The following GAB1 variants were observed in gnomAD, a reference collection of about 807,000 sequenced individuals.
The protein encoded by GAB1 is GRB2 associated binding protein 1.
GAB1 carries 19 observed loss-of-function variants against 66.5 expected under a neutral mutation model. That is an observed-to-expected ratio of 0.29 (90% CI 0.20 to 0.42). The LOEUF is 0.42. GAB1 is among the 10% of genes least tolerant of loss of function. GAB1 has a pLI of 1.00. For synonymous variants in GAB1, 294 were observed against 301.4 expected (o/e 0.98, Z 0.25); for missense variants, 732 against 858.5 (o/e 0.85, Z 1.84).
chr4:143,467,230 C>CGAAT (rs1382294945), intron 9 of GAB1, among the ~76,000 whole-genome samples: 1 of 152,156 alleles, frequency 6.6e-6, no homozygotes, highest in Non-Finnish European at 1.5e-5. Flanking sequence ...TGCTTCTATT[C>CGAAT]CTATGGAAAA....
At chr4:143,373,886 T>TATATATA (rs1560726035) in intron 1 of GAB1, among the ~76,000 whole-genome samples, 1 of 128,274 alleles carries the variant, frequency 7.8e-6, no homozygotes, top group African/African-American at 3.5e-5. Flanking sequence ...TATATATATA[T>TATATATA]TTTTACCTTT....
chr4:143,421,449 T>C (rs544078681), intron 2 of GAB1, among the ~76,000 whole-genome samples: 1 of 152,250 alleles, frequency 6.6e-6, no homozygotes, highest in South Asian at 2.1e-4. Context: ...TACAGACGTA[T>C]ATTTAGCTTT....
intron 1 of GAB1, 149 bp downstream of exon 1, chr4:143,337,409 T>C: frequency 2.9e-6 from 2 of 692,310 alleles, no homozygotes; most frequent in Non-Finnish European, 5.0e-6. Context: ...CCTGGCGGGC[T>C]CGGGACAGGG....
At chr4:143,398,890 T>C (rs1339940649) in intron 1 of GAB1, among the ~76,000 whole-genome samples, 3 of 151,966 alleles carry the variant, frequency 2.0e-5, no homozygotes, top group African/African-American at 7.3e-5. Flanking sequence ...GGAAACCTCA[T>C]CTTTACAAGA....
chr4:143,342,047 G>GT (rs541811229), intron 1 of GAB1, among the ~76,000 whole-genome samples: 2 of 152,178 alleles, frequency 1.3e-5, no homozygotes, highest in Non-Finnish European at 2.9e-5. Context: ...GACTCCCAAT[G>GT]TTTTTACCTT....
intron 6 of GAB1, among the ~76,000 whole-genome samples, chr4:143,451,673 G>A (rs1734937538): frequency 1.3e-5 from 2 of 152,088 alleles, no homozygotes; most frequent in Admixed American, 1.3e-4. Context: ...CTCAGAGAGT[G>A]CTTTGCCCAG....
intron 1 of GAB1, among the ~76,000 whole-genome samples, chr4:143,412,273 T>A (rs1732437721): frequency 1.3e-5 from 2 of 152,176 alleles, no homozygotes; most frequent in Admixed American, 1.3e-4. Flanking sequence ...TCCCAAGATG[T>A]TTTGTGCATG....
At chr4:143,404,634 C>G (rs922360924) in intron 1 of GAB1, among the ~76,000 whole-genome samples, 7 of 152,012 alleles carry the variant, frequency 4.6e-5, no homozygotes, top group African/African-American at 1.7e-4. Context: ...ACGTGTGGTC[C>G]CAGCTACTGG....
intron 1 of GAB1, among the ~76,000 whole-genome samples, chr4:143,377,823 G>T: frequency 6.6e-6 from 1 of 152,156 alleles, no homozygotes; most frequent in East Asian, 1.9e-4. Flanking sequence ...GTGTATGTCT[G>T]TATATGTTTA....
chr4:143,438,132 G>A lies in GAB1; in HGVS notation c.727G>A (p.Asp243Asn), dbSNP rs139752992. Reference sequence around the variant, plus strand: ...CTTTTTTCAGCAGCAAATGATATACGACTCTCCACCTTCACGTGCCCCATC... The same window carrying A: ...CTTTTTTCAGCAGCAAATGATATACAACTCTCCACCTTCACGTGCCCCATC... ...NGFFQQQMIY[D>N]SPPSRAPSAS... Residue 243 changes from aspartate to asparagine, a missense_variant, in exon 4 of 10, where the codon GAC becomes AAC. Transcript: ENST00000262994. 13 of 1,613,762 alleles carry A rather than the reference G, an allele frequency of 8.1e-6. No individual in the cohort carries two copies. Among genetic ancestry groups the A allele is most frequent in the African/African-American group, 5.3e-5 (4 of 74,830 alleles).
At chr4:143,405,130 A>G (rs940172435) in intron 1 of GAB1, among the ~76,000 whole-genome samples, 1 of 152,206 alleles carries the variant, frequency 6.6e-6, no homozygotes, top group Non-Finnish European at 1.5e-5. Flanking sequence ...TTCATAGCAT[A>G]TGCCATTTTG....
At chr4:143,431,985 G>T (rs1207399286) in intron 2 of GAB1, among the ~76,000 whole-genome samples, 1 of 152,172 alleles carries the variant, frequency 6.6e-6, no homozygotes, top group Non-Finnish European at 1.5e-5. Flanking sequence ...CTGACCTGGT[G>T]GAGAATAGGA....
intron 6 of GAB1, among the ~76,000 whole-genome samples, chr4:143,449,813 G>A (rs1734810695): frequency 1.3e-5 from 2 of 151,376 alleles, no homozygotes; most frequent in Admixed American, 1.3e-4. Flanking sequence ...ATTGTTATGT[G>A]TGAAAATGAT....
At position 143,472,195 on chromosome 4, in the gene GAB1, CTT is replaced by C. The variant is rs1736109755; in HGVS notation, c.*3008_*3009del. The C allele has an allele frequency of 6.6e-6, 1 of 152,138 alleles. No homozygotes were observed. The highest frequency in any genetic ancestry group is 1.5e-5 in the Non-Finnish European group (1 of 68,020). The allele number at this position is 152,138 out of a possible 1,614,324, so 9.4% of individuals were successfully genotyped here. A position where few individuals can be genotyped will look rare whatever the true frequency, so the allele number is the denominator to read the frequency against. On this transcript the variant is annotated 3_prime_UTR_variant, in exon 10 of 10. Coordinates refer to ENST00000262994, the MANE Select transcript of GAB1 (RefSeq NM_002039.4). The stretch of plus-strand genomic sequence containing the variant: ...TAAATCTACACTTCAGTTTATACAT[CTT>C]TATCATTATCAATACTATATAAGTT...
chr4:143,395,147 T>G (rs887005499), intron 1 of GAB1: 2 of 152,202 alleles, frequency 1.3e-5, no homozygotes, highest in Non-Finnish European at 2.9e-5. Context: ...TTAGATAAGG[T>G]TAGGACTTTC....
At chr4:143,444,848 A>ATTTGGTTTTC (rs1734426693) in intron 6 of GAB1, among the ~76,000 whole-genome samples, 1 of 152,142 alleles carries the variant, frequency 6.6e-6, no homozygotes, top group Non-Finnish European at 1.5e-5. Context: ...AAGTGAGAAC[A>ATTTGGTTTTC]TGTGATATTT....
At chr4:143,337,411 G>A in intron 1 of GAB1, 151 bp downstream of exon 1, 1 of 676,166 alleles carries the variant, frequency 1.5e-6, no homozygotes, top group South Asian at 1.8e-5. Context: ...TGGCGGGCTC[G>A]GGACAGGGTG....
At chr4:143,398,199 G>A (rs1731554986) in intron 1 of GAB1, among the ~76,000 whole-genome samples, 1 of 152,200 alleles carries the variant, frequency 6.6e-6, no homozygotes, top group South Asian at 2.1e-4. Flanking sequence ...ATGAATCATT[G>A]GAAGCTCACT....
intron 1 of GAB1, among the ~76,000 whole-genome samples, chr4:143,378,595 C>T (rs1730512497): frequency 6.8e-6 from 1 of 146,538 alleles, no homozygotes. Flanking sequence ...GAAACATTTG[C>T]TTTTTTGTGA....
Sources: gnomAD v4.1 joint callset for allele counts (sites outside exome capture counted in the v4.1 genomes callset) on GRCh38, gnomAD v4.1.1 for gene constraint, MANE v1.5 for transcripts, NCBI Gene and HGNC (gene_info 2026-07-23, HGNC 2026-07-21) for gene names.